The following SMAD9 variants were observed in gnomAD, a reference collection of about 807,000 sequenced individuals.
SMAD9 encodes SMAD family member 9.
A neutral mutation model predicts 46.1 loss-of-function variants in SMAD9; 36 were observed. That is an observed-to-expected ratio of 0.78 (90% CI 0.60 to 1.03). The LOEUF (loss-of-function observed/expected upper bound fraction) is 1.03. Ranked by LOEUF, SMAD9 falls within the 50% of genes least tolerant of loss-of-function variation. The pLI is 0.00. For synonymous variants in SMAD9, 245 were observed against 237.1 expected (o/e 1.03, Z -0.31); for missense variants, 572 against 599.8 (o/e 0.95, Z 0.48).
chr13:36,860,065 C>T (rs1272591520), intron 5 of SMAD9, among the ~76,000 whole-genome samples: 2 of 152,112 alleles, frequency 1.3e-5, no homozygotes, highest in African/African-American at 4.8e-5. Flanking sequence ...TATTCCTTTC[C>T]TTTCTTAATA....
At chr13:36,914,820 G>A (rs570128817) in intron 1 of SMAD9, among the ~76,000 whole-genome samples, 1 of 152,268 alleles carries the variant, frequency 6.6e-6, no homozygotes, top group South Asian at 2.1e-4. Context: ...TCAGTTGAAC[G>A]CTACCATCCA....
chr13:36,879,706 C>T lies in SMAD9; in HGVS notation c.-17G>A. On this transcript the variant is annotated 5_prime_UTR_variant, in exon 2 of 7. Coordinates refer to ENST00000379826, the MANE Select transcript of SMAD9 (RefSeq NM_001127217.3). ...GGAGTGCATAAGAGGCCACAGCAGG[C>T]TCCGGCGCGCACGGGAACCGCACAG... The T allele has an allele frequency of 6.2e-7, 1 of 1,613,396 alleles. No individual in the cohort carries two copies. The highest frequency in any genetic ancestry group is 8.5e-7 in the Non-Finnish European group (1 of 1,180,024).
Position 36,877,146 on chromosome 13 carries a change from G to C in SMAD9, c.412+2132C>G, listed in dbSNP as rs1352586323. ...TGGGAGGACGAGGCAGGTGGATCATGAGGTCAAGAGATCGAGACCATCCTG... is the reference window on the plus strand; with the variant it reads ...TGGGAGGACGAGGCAGGTGGATCATCAGGTCAAGAGATCGAGACCATCCTG... On this transcript the variant is annotated intron_variant, in intron 2 of 6. Coordinates refer to ENST00000379826, the MANE Select transcript of SMAD9 (RefSeq NM_001127217.3). Among the ~76,000 whole-genome samples, 4 of 152,132 alleles carry C rather than the reference G, an allele frequency of 2.6e-5. No homozygotes were observed. The East Asian group carries it at 7.7e-4, about 29-fold the overall frequency.
chr13:36,866,306 G>A (rs2058233711), intron 4 of SMAD9, among the ~76,000 whole-genome samples: 1 of 151,664 alleles, frequency 6.6e-6, no homozygotes, highest in Non-Finnish European at 1.5e-5. Context: ...TCCACATAGA[G>A]GGGCTCACAT....
At chr13:36,871,448 G>A (rs1384262283) in intron 3 of SMAD9, among the ~76,000 whole-genome samples, 1 of 152,062 alleles carries the variant, frequency 6.6e-6, no homozygotes, top group Non-Finnish European at 1.5e-5. Context: ...AACCTGGGAG[G>A]CAGAGACTGC....
At chr13:36,869,378 C>T (rs1344888228) in intron 3 of SMAD9, among the ~76,000 whole-genome samples, 6 of 152,164 alleles carry the variant, frequency 3.9e-5, no homozygotes, top group East Asian at 3.9e-4. Flanking sequence ...TGCACCACCA[C>T]GCCCAGCTAA....
At chr13:36,885,482 G>C (rs1040969491) in intron 1 of SMAD9, among the ~76,000 whole-genome samples, 4 of 152,132 alleles carry the variant, frequency 2.6e-5, no homozygotes, top group Non-Finnish European at 5.9e-5. Context: ...ATCATAAGCT[G>C]TATTATAAGA....
At chr13:36,868,118 C>T (rs1276101477) in intron 3 of SMAD9, among the ~76,000 whole-genome samples, 1 of 152,230 alleles carries the variant, frequency 6.6e-6, no homozygotes, top group South Asian at 2.1e-4. Flanking sequence ...TTGGATCAAT[C>T]TGCCTTTGTT....
At chr13:36,908,870 G>A (rs1056405346) in intron 1 of SMAD9, among the ~76,000 whole-genome samples, 1 of 152,138 alleles carries the variant, frequency 6.6e-6, no homozygotes, top group Non-Finnish European at 1.5e-5. Flanking sequence ...ACATGAAACT[G>A]AAGGCCATGA....
At position 36,879,692 on chromosome 13, in the gene SMAD9, G is replaced by A. The variant is rs756639530; in HGVS notation, c.-3C>T. ...CTGATGGGGGTGGTGGAGTGCATAA[G>A]AGGCCACAGCAGGCTCCGGCGCGCA... On this transcript the variant is annotated 5_prime_UTR_variant, in exon 2 of 7. Transcript: ENST00000379826. 1 of 1,613,906 alleles carries A rather than the reference G, an allele frequency of 6.2e-7. No individual in the cohort carries two copies. Among genetic ancestry groups the A allele is most frequent in the South Asian group, 1.1e-5 (1 of 91,082 alleles).
rs1268849243 is a variant in SMAD9, at chr13:36,879,637, A to G, written c.53T>C (p.Val18Ala). The change falls in exon 2 of 7, where the codon GTG becomes GCG. Residue 18 changes from valine (V) to alanine (A), a missense_variant. By Grantham distance (64) the Val-to-Ala change is moderately conservative. Transcript: ENST00000379826. Reference sequence around the variant, plus strand: ...TTGCTTCCAGCCTAGCAGTCTCTTCACTGCGGGGCTGGTGAAGGAGAAGAG... The same window carrying G: ...TTGCTTCCAGCCTAGCAGTCTCTTCGCTGCGGGGCTGGTGAAGGAGAAGAG... Reference protein sequence around the residue: ...SSLFSFTSPAVKRLLGWKQGD... With the variant: ...SSLFSFTSPAAKRLLGWKQGD... 1 of 1,614,016 alleles carries G rather than the reference A, an allele frequency of 6.2e-7. No homozygotes were observed. Among genetic ancestry groups the G allele is most frequent in the East Asian group, 2.2e-5 (1 of 44,842 alleles).
At chr13:36,849,378 C>G (rs2058056945) in intron 6 of SMAD9, 1 of 153,546 alleles carries the variant, frequency 6.5e-6, no homozygotes, top group Non-Finnish European at 1.4e-5. Context: ...ATATTTTTCT[C>G]TATATGTTAT....
chr13:36,882,765 T>G (rs966691149), intron 1 of SMAD9, among the ~76,000 whole-genome samples: 2 of 152,238 alleles, frequency 1.3e-5, no homozygotes, highest in Non-Finnish European at 2.9e-5. Context: ...CTATGCTTGT[T>G]TGTATGCTTG....
rs764932536 is a variant in SMAD9, at chr13:36,853,582, T to G, written c.1097A>C (p.His366Pro). Residue 366 changes from histidine to proline, a missense_variant, in exon 6 of 7, where the codon CAC (histidine) becomes CCC (proline). By Grantham distance (77) the His-to-Pro change is moderately conservative. Coordinates refer to ENST00000379826, the MANE Select transcript of SMAD9 (RefSeq NM_001127217.3). ...GCAGACGGTAGCTGGGTGGAAGCCG[T>G]GTTGATAGTTGCAGTTCCGGCTCTG... ...FVQSRNCNYQ[H>P]GFHPATVCKI... is the part of the protein sequence containing the mutation. The G allele has an allele frequency of 6.2e-7, 1 of 1,614,044 alleles. No homozygotes were observed. The highest frequency in any genetic ancestry group is 8.5e-7 in the Non-Finnish European group (1 of 1,180,016).
chr13:36,866,372 T>C (rs1013002926), intron 4 of SMAD9, among the ~76,000 whole-genome samples: 1 of 151,292 alleles, frequency 6.6e-6, no homozygotes, highest in Non-Finnish European at 1.5e-5. Context: ...TAAAGAGAGC[T>C]GGATATTTCA....
rs1217008843 is a variant in SMAD9, at chr13:36,867,346, G to A, written c.708C>T (p.Ala236=). Residue 236 remains alanine, a synonymous_variant, in exon 4 of 7, where the codon GCC becomes GCT. Coordinates refer to ENST00000379826, the MANE Select transcript of SMAD9 (RefSeq NM_001127217.3). ...TPPLPYHATE[A]SETQSGQPVD... Reference sequence around the variant, plus strand: ...CAGGTTGGCCACTCTGGGTCTCAGAGGCTTCTGTGGCATGATAAGGCAGGG... The same window carrying A: ...CAGGTTGGCCACTCTGGGTCTCAGAAGCTTCTGTGGCATGATAAGGCAGGG... 2.2e-5 allele frequency: 34 copies of A among 1,551,156 alleles called. No homozygotes were observed. Among genetic ancestry groups the A allele is most frequent in the Non-Finnish European group, 3.0e-5 (34 of 1,146,750 alleles).
chr13:36,881,300 T>A (rs550274740), intron 1 of SMAD9, among the ~76,000 whole-genome samples: 27 of 152,318 alleles, frequency 1.8e-4, no homozygotes, highest in Non-Finnish European at 3.2e-4. Flanking sequence ...CATTTTGGAG[T>A]AAGCTGACTC....
chr13:36,903,178 G>A (rs1175406929), intron 1 of SMAD9, among the ~76,000 whole-genome samples: 2 of 147,512 alleles, frequency 1.4e-5, no homozygotes, highest in East Asian at 2.0e-4. Context: ...CCAGGCTGGA[G>A]AGCAGTGACG....
chr13:36,863,030 G>A (rs948245917), intron 5 of SMAD9, among the ~76,000 whole-genome samples: 1 of 152,198 alleles, frequency 6.6e-6, no homozygotes, highest in Non-Finnish European at 1.5e-5. Context: ...CTCGTGAGAT[G>A]AATGCATATT....
Sources: allele counts gnomAD v4.1 joint callset (sites outside exome capture counted in the v4.1 genomes callset), GRCh38; gene constraint gnomAD v4.1.1; transcripts MANE v1.5; gene names NCBI Gene and HGNC (gene_info 2026-07-23, HGNC 2026-07-21).